The following ZMAT3 variants were observed in gnomAD, a reference collection of about 807,000 sequenced individuals.
ZMAT3 encodes zinc finger matrin-type protein 3.
ZMAT3 carries 17 observed loss-of-function variants against 32.3 expected under a neutral mutation model. The observed-to-expected ratio is 0.53, with a 90% CI of 0.36 to 0.79. The LOEUF is 0.79. Among genes scored for constraint, ZMAT3 ranks in the 30% least tolerant of loss-of-function variants. The probability of loss-of-function intolerance (pLI) is 0.00; values close to 1 mark genes in which losing one functional copy is unlikely to be tolerated. For missense variants in ZMAT3, 329 were observed against 359.7 expected (o/e 0.91, Z 0.69); for synonymous variants, 120 against 133.1 (o/e 0.90, Z 0.68).
At chr3:179,052,169 T>C (rs1197450444) in intron 2 of ZMAT3, among the ~76,000 whole-genome samples, 2 of 152,150 alleles carry the variant, frequency 1.3e-5, no homozygotes, top group Non-Finnish European at 2.9e-5. Flanking sequence ...ACTAAAAAGC[T>C]TCTGCACAGC....
At chr3:179,035,877 G>C (rs181670280) in intron 2 of ZMAT3, among the ~76,000 whole-genome samples, 221 of 152,306 alleles carry the variant, frequency 1.5e-3, no homozygotes, top group African/African-American at 5.1e-3. Context: ...CTTTTTAAAT[G>C]AGCAAATGTT....
At chr3:179,040,441 G>A (rs1276261940) in intron 2 of ZMAT3, among the ~76,000 whole-genome samples, 1 of 152,154 alleles carries the variant, frequency 6.6e-6, no homozygotes, top group African/African-American at 2.4e-5. Flanking sequence ...CTTCCTTAAA[G>A]AAAAGAATTT....
Position 179,027,787 on chromosome 3 carries a change from C to T in ZMAT3, c.416G>A (p.Arg139Gln), listed in dbSNP as rs1433660434. 7 of 1,612,756 alleles carry T rather than the reference C, an allele frequency of 4.3e-6. No homozygotes were observed. Among genetic ancestry groups the T allele is most frequent in the South Asian group, 3.3e-5 (3 of 90,822 alleles). Residue 139 changes from arginine (R) to glutamine (Q), a missense_variant, in exon 4 of 6, where the codon CGA (arginine) becomes CAA (glutamine). By Grantham distance (43) the Arg-to-Gln change is conservative. Coordinates refer to ENST00000311417, the MANE Select transcript of ZMAT3 (RefSeq NM_022470.4). ...PQMGSFKPGG[R>Q]VILATENDYC... is the part of the protein sequence containing the mutation. ...ATCATTCTCCGTGGCCAGGATCACT[C>T]GGCCTCCTGGCTTAAAGGAGCCCAT...
At chr3:179,040,034 A>G (rs900781822) in intron 2 of ZMAT3, among the ~76,000 whole-genome samples, 1 of 152,218 alleles carries the variant, frequency 6.6e-6, no homozygotes, top group African/African-American at 2.4e-5. Context: ...GGTTAGAAAA[A>G]AAGAGTAAAA....
intron 2 of ZMAT3, among the ~76,000 whole-genome samples, chr3:179,051,701 A>G (rs1720566969): frequency 6.6e-6 from 1 of 152,178 alleles, no homozygotes; most frequent in African/African-American, 2.4e-5. Flanking sequence ...TGGAACCAAA[A>G]AAGAGCCTGC....
At chr3:179,060,090 TC>T (rs1447873980) in intron 2 of ZMAT3, among the ~76,000 whole-genome samples, 4 of 151,934 alleles carry the variant, frequency 2.6e-5, no homozygotes, top group African/African-American at 9.7e-5. Context: ...CCTCTTTGGG[TC>T]CCCTCCCTTT....
intron 1 of ZMAT3, among the ~76,000 whole-genome samples, chr3:179,068,767 C>T (rs1721556480): frequency 6.6e-6 from 1 of 152,194 alleles, no homozygotes; most frequent in Admixed American, 6.5e-5. Flanking sequence ...CTGTGGGCCA[C>T]ATACAGCCAC....
At position 179,024,219 on chromosome 3, in the gene ZMAT3, T is replaced by C. The variant is rs1187934389; in HGVS notation, c.*798A>G. ...GAAATCAAGTTTAGCTGTTTGGAAG[T>C]ATACAAGCTCATTGGGAGTATTTGA... On this transcript the variant is annotated 3_prime_UTR_variant, in exon 6 of 6. Transcript: ENST00000311417. The C allele has an allele frequency of 6.6e-6, 1 of 152,066 alleles. No homozygotes were observed. The highest frequency in any genetic ancestry group is 1.5e-5 in the Non-Finnish European group (1 of 68,012). The allele number at this position is 152,066 out of a possible 1,614,324, so 9.4% of individuals were successfully genotyped here. A position where few individuals can be genotyped will look rare whatever the true frequency, so the allele number is the denominator to read the frequency against.
chr3:179,058,372 C>T (rs1720962188), intron 2 of ZMAT3, among the ~76,000 whole-genome samples: 1 of 152,192 alleles, frequency 6.6e-6, no homozygotes, highest in Non-Finnish European at 1.5e-5. Flanking sequence ...CAAGTAATTG[C>T]TCAAACCTAT....
chr3:179,033,253 A>C (rs1459127955), intron 2 of ZMAT3, among the ~76,000 whole-genome samples: 1 of 152,216 alleles, frequency 6.6e-6, no homozygotes, highest in African/African-American at 2.4e-5. Flanking sequence ...AGGGCGGTGC[A>C]AGATGTGCTT....
At chr3:179,032,816 A>G (rs9868334) in intron 2 of ZMAT3, among the ~76,000 whole-genome samples, 123,098 of 150,152 alleles carry the variant, frequency 0.82, 50,813 homozygotes, top group East Asian at 0.94. Flanking sequence ...CAGCCACCCC[A>G]TCTGGGAAGT....
rs574916556 is a variant in ZMAT3 at position 179,064,611 on chromosome 3, T to G, written c.270+2872A>C. 3.3e-5 allele frequency among the ~76,000 whole-genome samples: 5 copies of G among 152,212 alleles called. No individual in the cohort carries two copies. In the South Asian group the frequency reaches 1.0e-3, roughly 32 times the overall value. On this transcript the variant is annotated intron_variant, in intron 2 of 5. Coordinates refer to ENST00000311417, the MANE Select transcript of ZMAT3 (RefSeq NM_022470.4). ...TGCCCAGCTAATTTCCTTGTATTTT[T>G]GTAGAGACAGGGTCTTGTTATGCTG...
At chr3:179,054,210 A>T (rs999330988) in intron 2 of ZMAT3, among the ~76,000 whole-genome samples, 1 of 152,238 alleles carries the variant, frequency 6.6e-6, no homozygotes. Flanking sequence ...ACCACTCAAC[A>T]CTGTCAAGGA....
Position 179,024,450 on chromosome 3 carries a change from C to T in ZMAT3, c.*567G>A, listed in dbSNP as rs918301104. ...AATTCAATACAATTCTTTAACAGTA[C>T]ATAAAACTACAATTGCAAAAGAAAA... On this transcript the variant is annotated 3_prime_UTR_variant, in exon 6 of 6. Coordinates refer to ENST00000311417, the MANE Select transcript of ZMAT3 (RefSeq NM_022470.4). The T allele has an allele frequency of 6.5e-6, 1 of 153,876 alleles. No individual in the cohort carries two copies. Among genetic ancestry groups the T allele is most frequent in the Non-Finnish European group, 1.4e-5 (1 of 69,456 alleles). The allele number at this position is 153,876 out of a possible 1,614,324, so 9.5% of individuals were successfully genotyped here. A position where few individuals can be genotyped will look rare whatever the true frequency, so the allele number is the denominator to read the frequency against.
intron 2 of ZMAT3, among the ~76,000 whole-genome samples, chr3:179,041,975 G>C (rs977067738): frequency 1.2e-4 from 19 of 152,168 alleles, no homozygotes; most frequent in Admixed American, 1.2e-3. Flanking sequence ...AAACGAACTA[G>C]AAAATCTAGA....
intron 1 of ZMAT3, 44 bp from the exon 2 acceptor site, chr3:179,067,853 A>G: frequency 6.7e-7 from 1 of 1,500,282 alleles, no homozygotes; most frequent in South Asian, 1.3e-5. Flanking sequence ...TCACTTGAAA[A>G]TCAGACTTCA....
At chr3:179,026,189 A>G (rs1718857589) in intron 5 of ZMAT3, among the ~76,000 whole-genome samples, 1 of 152,064 alleles carries the variant, frequency 6.6e-6, no homozygotes, top group African/African-American at 2.4e-5. Context: ...ATCTCATTTC[A>G]TTGTACTCTG....
At chr3:179,065,403 T>TA (rs1349926741) in intron 2 of ZMAT3, among the ~76,000 whole-genome samples, 3 of 152,146 alleles carry the variant, frequency 2.0e-5, no homozygotes, top group Non-Finnish European at 4.4e-5. Context: ...CGCAAAAATG[T>TA]AAAATAAAAG....
intron 2 of ZMAT3, among the ~76,000 whole-genome samples, chr3:179,050,594 G>A (rs1056663075): frequency 6.6e-6 from 1 of 152,178 alleles, no homozygotes; most frequent in Middle Eastern, 3.4e-3. Flanking sequence ...CAAAGAAATA[G>A]GGAATCCTCC....
Sources: gnomAD v4.1 joint callset for allele counts (sites outside exome capture counted in the v4.1 genomes callset) on GRCh38, gnomAD v4.1.1 for gene constraint, MANE v1.5 for transcripts, NCBI Gene and HGNC (gene_info 2026-07-23, HGNC 2026-07-21) for gene names.